NSL1: variants seen among roughly 807,000 people sequenced by gnomAD.
The protein encoded by NSL1 is kinetochore-associated protein NSL1 homolog.
NSL1 carries 11 observed loss-of-function variants against 25.4 expected under a neutral mutation model. The ratio of observed to expected loss-of-function variants is 0.43; its 90% confidence interval spans 0.27 to 0.72. The LOEUF (loss-of-function observed/expected upper bound fraction) is 0.72. Among genes scored for constraint, NSL1 ranks in the 30% least tolerant of loss-of-function variants. The pLI, the probability that NSL1 is intolerant of heterozygous loss-of-function variation, is 0.19. For missense variants in NSL1, 330 were observed against 342.7 expected, an observed-to-expected ratio of 0.96 and a Z score of 0.29; for synonymous variants, 118 against 120.6, an observed-to-expected ratio of 0.98 and a Z score of 0.14.
At chr1:212,788,373 T>C (rs534392694) in intron 1 of NSL1, among the ~76,000 whole-genome samples, 1 of 152,368 alleles carries the variant, frequency 6.6e-6, no homozygotes, top group African/African-American at 2.4e-5. Context: ...TGATTGCCAC[T>C]GTACTCCAGC....
At chr1:212,749,271 T>C (rs1658947708) in intron 4 of NSL1, among the ~76,000 whole-genome samples, 1 of 152,074 alleles carries the variant, frequency 6.6e-6, no homozygotes, top group Non-Finnish European at 1.5e-5. Flanking sequence ...TCTTCATTGT[T>C]ATTATATTGT....
intron 1 of NSL1, among the ~76,000 whole-genome samples, chr1:212,790,368 C>T (rs1354864783): frequency 6.6e-6 from 1 of 152,000 alleles, no homozygotes; most frequent in Non-Finnish European, 1.5e-5. Context: ...CTTTACAAGA[C>T]TAAAATAGGT....
chr1:212,747,313 C>T (rs2102438085), intron 4 of NSL1, among the ~76,000 whole-genome samples: 1 of 152,318 alleles, frequency 6.6e-6, no homozygotes, highest in East Asian at 1.9e-4. Flanking sequence ...CTTGGGTATT[C>T]ATTTATTCAT....
intron 4 of NSL1, among the ~76,000 whole-genome samples, chr1:212,743,874 G>T (rs760416855): frequency 5.9e-5 from 9 of 152,120 alleles, no homozygotes; most frequent in African/African-American, 9.7e-5. Context: ...CCCAGAGTGG[G>T]TTACTGGTGC....
intron 4 of NSL1, among the ~76,000 whole-genome samples, chr1:212,757,055 G>C (rs1353657088): frequency 6.6e-6 from 1 of 152,232 alleles, no homozygotes; most frequent in Admixed American, 6.5e-5. Flanking sequence ...TTTGAACAGA[G>C]AGCTGAATGA....
In NSL1 at chr1:212,740,075, CA is replaced by C. The variant is rs1395446801; in HGVS notation, c.500-475del. Among the ~76,000 whole-genome samples, 5 of 152,272 alleles carry C rather than the reference CA, an allele frequency of 3.3e-5. No homozygotes were observed. In the East Asian group the frequency reaches 9.6e-4, roughly 29 times the overall value. On this transcript the variant is annotated intron_variant, in intron 4 of 5. Coordinates refer to ENST00000366977, the MANE Select transcript of NSL1 (RefSeq NM_015471.4). Reference sequence around the variant, plus strand: ...CTTTCTCTTTCCTTACTTCCTAATACATATTTTCTTCTTCCAATCTTTGCAT... The same window carrying C: ...CTTTCTCTTTCCTTACTTCCTAATACTATTTTCTTCTTCCAATCTTTGCAT...
At position 212,732,085 on chromosome 1, in the gene NSL1, A is replaced by G; in HGVS notation, c.*6323T>C. On this transcript the variant is annotated 3_prime_UTR_variant, in exon 6 of 6. Coordinates refer to ENST00000366977, the MANE Select transcript of NSL1 (RefSeq NM_015471.4). ...TCAGGGTTTTTATTATTATGGCTAT[A>G]TAAATATTGTTCACTGGAGAACTAA... The G allele has an allele frequency of 2.0e-6, 2 of 978,762 alleles. No individual in the cohort carries two copies. Among genetic ancestry groups the G allele is most frequent in the Non-Finnish European group, 2.4e-6 (2 of 826,626 alleles). The allele number at this position is 978,762 out of a possible 1,614,324, so 60.6% of individuals were successfully genotyped here.
At position 212,741,679 on chromosome 1, in the gene NSL1, G is replaced by A. The variant is rs1287438112; in HGVS notation, c.500-2078C>T. 2.6e-5 allele frequency among the ~76,000 whole-genome samples: 4 copies of A among 152,148 alleles called. No individual in the cohort carries two copies. In the East Asian group the frequency reaches 5.8e-4, roughly 22 times the overall value. ...TCCTGTACAGCCTGCAGAACTGTGA[G>A]CCAATTAAACCTCTTTTCTTTATAA... On this transcript the variant is annotated intron_variant, in intron 4 of 5. Transcript: ENST00000366977.
chr1:212,773,259 G>A (rs898027301), intron 4 of NSL1, among the ~76,000 whole-genome samples: 1 of 152,034 alleles, frequency 6.6e-6, no homozygotes, highest in African/African-American at 2.4e-5. Flanking sequence ...TGTTGAATGG[G>A]AGAAACTATA....
intron 4 of NSL1, among the ~76,000 whole-genome samples, chr1:212,746,983 A>G (rs1176164768): frequency 6.6e-6 from 1 of 152,298 alleles, no homozygotes; most frequent in East Asian, 1.9e-4. Context: ...CATCTCTACT[A>G]AAAACACAAA....
chr1:212,768,375 A>G (rs973379705), intron 4 of NSL1, among the ~76,000 whole-genome samples: 4 of 151,796 alleles, frequency 2.6e-5, no homozygotes, highest in African/African-American at 7.3e-5. Flanking sequence ...CGATCCAGCA[A>G]TCCCACCACT....
chr1:212,786,165 A>G (rs1332584122), intron 2 of NSL1, among the ~76,000 whole-genome samples: 1 of 151,292 alleles, frequency 6.6e-6, no homozygotes, highest in Non-Finnish European at 1.5e-5. Context: ...TTGATTTTCA[A>G]TAGCTTTTGG....
chr1:212,744,543 G>T lies in NSL1; in HGVS notation c.500-4942C>A, dbSNP rs1217201517. 3.9e-5 allele frequency among the ~76,000 whole-genome samples: 6 copies of T among 152,158 alleles called. No individual in the cohort carries two copies. In the South Asian group the frequency reaches 1.2e-3, roughly 32 times the overall value. The stretch of plus-strand genomic sequence containing the variant: ...AGGAAATTAACAAACTGTCACTGAG[G>T]AGGTTCAGACACTGGACTGACTAGA... On this transcript the variant is annotated intron_variant, in intron 4 of 5. Transcript: ENST00000366977.
intron 4 of NSL1, among the ~76,000 whole-genome samples, chr1:212,774,085 A>G (rs1660244822): frequency 6.6e-6 from 1 of 152,152 alleles, no homozygotes; most frequent in Admixed American, 6.5e-5. Flanking sequence ...GAGGATGCAG[A>G]GAAGTTAGTT....
In NSL1 at chr1:212,760,144, A is replaced by G. The variant is rs1040377116; in HGVS notation, c.500-20543T>C. ...CTGCCCCGCCAGCTGCTTCTGGGGCACACACACACACACACCATAAGGGAG... is the reference window on the plus strand; with the variant it reads ...CTGCCCCGCCAGCTGCTTCTGGGGCGCACACACACACACACCATAAGGGAG... On this transcript the variant is annotated intron_variant, in intron 4 of 5. Coordinates refer to ENST00000366977, the MANE Select transcript of NSL1 (RefSeq NM_015471.4). The surrounding 1 kb of genome is among the most constrained non-coding windows in gnomAD (Gnocchi z 4.3). Among the ~76,000 whole-genome samples the G allele has an allele frequency of 1.3e-5, 2 of 151,226 alleles. No homozygotes were observed. Among genetic ancestry groups the G allele is most frequent in the Admixed American group, 6.6e-5 (1 of 15,126 alleles).
intron 4 of NSL1, among the ~76,000 whole-genome samples, chr1:212,754,828 C>T (rs1659231075): frequency 6.7e-6 from 1 of 149,702 alleles, no homozygotes; most frequent in African/African-American, 2.5e-5. Context: ...TGCCAGGAAG[C>T]AAAGCTTACT....
At chr1:212,780,306 C>A in intron 4 of NSL1, among the ~76,000 whole-genome samples, 1 of 151,968 alleles carries the variant, frequency 6.6e-6, no homozygotes, top group East Asian at 1.9e-4. Flanking sequence ...TTGAAGGCAG[C>A]GTGCTCGTTG....
chr1:212,766,317 C>T (rs1659814999), intron 4 of NSL1: 3 of 543,954 alleles, frequency 5.5e-6, no homozygotes, highest in Non-Finnish European at 9.8e-6. Flanking sequence ...TTCTATTCAA[C>T]ATAGTACTCA....
chr1:212,761,882 G>C (rs1324255711), intron 4 of NSL1, among the ~76,000 whole-genome samples: 1 of 150,338 alleles, frequency 6.7e-6, no homozygotes, highest in Non-Finnish European at 1.5e-5. Context: ...AGATCGGGGT[G>C]TCCAATCTTT....
Sources: gnomAD v4.1 joint callset for allele counts (sites outside exome capture counted in the v4.1 genomes callset) on GRCh38, gnomAD v4.1.1 for gene constraint, Gnocchi (gnomAD v3.1) non-coding constraint, MANE v1.5 for transcripts, NCBI Gene and HGNC (gene_info 2026-07-23, HGNC 2026-07-21) for gene names.